The following SPAG9 variants were observed in gnomAD, a reference collection of about 807,000 sequenced individuals.
SPAG9 encodes C-Jun-amino-terminal kinase-interacting protein 4.
In SPAG9, 35 loss-of-function variants were observed where a neutral mutation model predicts 166.5. That is an observed-to-expected ratio of 0.21 (90% confidence interval 0.16 to 0.28). SPAG9 has a LOEUF of 0.28. Among genes scored for constraint, SPAG9 ranks in the 10% least tolerant of loss-of-function variants. The probability of loss-of-function intolerance (pLI) is 1.00; values close to 1 mark genes in which losing one functional copy is unlikely to be tolerated. For synonymous variants in SPAG9, 534 were observed against 565.5 expected (o/e 0.94, Z 0.79); for missense variants, 1,235 against 1,603.3 (o/e 0.77, Z 3.92).
At chr17:51,007,368 T>G in intron 9 of SPAG9, 42 bp from the exon 10 acceptor site, 1 of 1,093,242 alleles carries the variant, frequency 9.1e-7, no homozygotes, top group South Asian at 1.4e-5. Context: ...AATAAATGCA[T>G]CAATAATTAT....
chr17:51,044,477 T>G (rs1458867366), intron 4 of SPAG9, among the ~76,000 whole-genome samples: 1 of 152,230 alleles, frequency 6.6e-6, no homozygotes, highest in Non-Finnish European at 1.5e-5. Flanking sequence ...TGTTAGCTTA[T>G]GTATATAAAT....
In SPAG9 at chr17:51,089,123, A is replaced by AC. The variant is rs201393710; in HGVS notation, c.304-9420_304-9419insG. Among the ~76,000 whole-genome samples the AC allele has an allele frequency of 3.6e-3, 515 of 144,414 alleles. 2 individuals carry two copies. The highest frequency in any genetic ancestry group is 5.6e-3 in the Non-Finnish European group (367 of 65,670). The allele number at this position is 144,414 out of a possible 152,430, so 94.7% of individuals were successfully genotyped here. A position where few individuals can be genotyped will look rare whatever the true frequency, so the allele number is the denominator to read the frequency against. On this transcript the variant is annotated intron_variant, in intron 1 of 29. Coordinates refer to ENST00000262013, the MANE Select transcript of SPAG9 (RefSeq NM_001130528.3). ...AAAACAAAACAAAACACACACACAC[A>AC]AAAAAAAAACAGAAGTTGGGCCAGG...
chr17:51,018,029 T>C (rs1401521323), intron 8 of SPAG9, among the ~76,000 whole-genome samples: 1 of 152,176 alleles, frequency 6.6e-6, no homozygotes, highest in Non-Finnish European at 1.5e-5. Flanking sequence ...CAGTAGCTCC[T>C]GTCTGACATT....
chr17:50,981,390 GTGGATGGATGGA>G (rs529102170), intron 25 of SPAG9, among the ~76,000 whole-genome samples: 81 of 150,140 alleles, frequency 5.4e-4, no homozygotes, highest in Admixed American at 2.9e-3. Flanking sequence ...CAACCTGTGT[GTGGATGGATGGA>G]TGGATGGATG....
Position 51,065,341 on chromosome 17 carries a change from A to G in SPAG9, c.425-8859T>C, listed in dbSNP as rs145606739. ...AGCCACCAGGCCCAGCCTGGATTTC[A>G]ATTTTAAACAGAGTCATTTGAAACC... On this transcript the variant is annotated intron_variant, in intron 2 of 29. Transcript: ENST00000262013. Among the ~76,000 whole-genome samples, 389 of 152,254 alleles carry G rather than the reference A, an allele frequency of 2.6e-3. 1 individual carries two copies. The highest frequency in any genetic ancestry group is 8.9e-3 in the African/African-American group (371 of 41,548).
At chr17:51,068,857 C>A (rs1266977035) in intron 2 of SPAG9, among the ~76,000 whole-genome samples, 1 of 152,036 alleles carries the variant, frequency 6.6e-6, no homozygotes, top group Non-Finnish European at 1.5e-5. Flanking sequence ...CAATAGACAA[C>A]ACTAGACTCA....
At chr17:50,990,708 T>C in intron 19 of SPAG9, 40 bp from the exon 20 acceptor site, 1 of 1,517,100 alleles carries the variant, frequency 6.6e-7, no homozygotes, top group Non-Finnish European at 9.1e-7. Flanking sequence ...AGTAAACTTC[T>C]ATAAATAACA....
intron 15 of SPAG9, among the ~76,000 whole-genome samples, chr17:50,997,509 G>A (rs1348311970): frequency 6.6e-6 from 1 of 152,110 alleles, no homozygotes; most frequent in Non-Finnish European, 1.5e-5. Flanking sequence ...AACTGATTTG[G>A]TAAACTTTGG....
At position 51,032,503 on chromosome 17, in the gene SPAG9, T is replaced by C. The variant is rs147880386; in HGVS notation, c.742-781A>G. On this transcript the variant is annotated intron_variant, in intron 5 of 29. Transcript: ENST00000262013. Reference sequence around the variant, plus strand: ...TAAAAATCTATTTATTCATATTCTTTATTTCTATCTATACATTTTCCCTCT... The same window carrying C: ...TAAAAATCTATTTATTCATATTCTTCATTTCTATCTATACATTTTCCCTCT... Among the ~76,000 whole-genome samples, 197 of 152,300 alleles carry C rather than the reference T, an allele frequency of 1.3e-3. 1 individual carries two copies. The highest frequency in any genetic ancestry group is 4.5e-3 in the African/African-American group (187 of 41,556).
chr17:51,099,099 CAAAAAAAAAA>C (rs35291018), intron 1 of SPAG9, among the ~76,000 whole-genome samples: 2 of 45,976 alleles, frequency 4.4e-5, no homozygotes, highest in African/African-American at 7.5e-5. Context: ...GACTCCGTCT[CAAAAAAAAAA>C]AAAAAAAAAA....
rs770157977 is a variant in SPAG9 at position 50,999,720 on chromosome 17, A to G, written c.1608-3T>C. The G allele has an allele frequency of 1.2e-6, 2 of 1,611,720 alleles. No homozygotes were observed. Among genetic ancestry groups the G allele is most frequent in the Non-Finnish European group, 1.7e-6 (2 of 1,178,814 alleles). On this transcript the variant is annotated splice_polypyrimidine_tract_variant and splice_region_variant and intron_variant, in intron 13 of 29. Coordinates refer to ENST00000262013, the MANE Select transcript of SPAG9 (RefSeq NM_001130528.3). ...TGGCTGGATTTTCTCGTGATGCCCT[A>G]CATTCAAAAAGAAAAGAAAAGAAAC...
chr17:50,979,694 A>C, intron 26 of SPAG9, 52 bp downstream of exon 26: 1 of 1,547,594 alleles, frequency 6.5e-7, no homozygotes, highest in Non-Finnish European at 8.9e-7. Flanking sequence ...ATAGATAGAT[A>C]AAATAAAACA....
intron 1 of SPAG9, among the ~76,000 whole-genome samples, chr17:51,086,784 T>C (rs1051190716): frequency 2.0e-5 from 3 of 152,048 alleles, no homozygotes; most frequent in Non-Finnish European, 4.4e-5. Context: ...TAGCTGGGCG[T>C]GGTGGCAGGT....
intron 6 of SPAG9, among the ~76,000 whole-genome samples, chr17:51,027,674 TAACAA>T (rs2046237000): frequency 6.6e-6 from 1 of 152,148 alleles, no homozygotes; most frequent in Admixed American, 6.5e-5. Flanking sequence ...CCTAGTGTGT[TAACAA>T]AACTATTGCA....
rs556208987 is a variant in SPAG9 at position 50,993,753 on chromosome 17, C to A, written c.2398+11G>T. The A allele has an allele frequency of 6.2e-7, 1 of 1,612,656 alleles. No individual in the cohort carries two copies. The highest frequency in any genetic ancestry group is 8.5e-7 in the Non-Finnish European group (1 of 1,178,878). The stretch of plus-strand genomic sequence containing the variant: ...GAGGGGAGGGCAGAGAAACGCATGA[C>A]TCACTCTTACCTGGCACACTTGCAA... On this transcript the variant is annotated intron_variant, in intron 19 of 29. Coordinates refer to ENST00000262013, the MANE Select transcript of SPAG9 (RefSeq NM_001130528.3).
intron 2 of SPAG9, among the ~76,000 whole-genome samples, chr17:51,059,926 G>C (rs2047457237): frequency 6.6e-6 from 1 of 151,780 alleles, no homozygotes; most frequent in African/African-American, 2.4e-5. Flanking sequence ...CTTAGTCTTT[G>C]TTCCCTACAT....
In SPAG9 at chr17:51,077,021, T is replaced by TCTAGCTAG. The variant is rs1249662126; in HGVS notation, c.424+2562_424+2563insCTAGCTAG. 2.0e-3 allele frequency among the ~76,000 whole-genome samples: 151 copies of TCTAGCTAG among 76,134 alleles called. 2 individuals are homozygous for TCTAGCTAG. Among genetic ancestry groups the TCTAGCTAG allele is most frequent in the Admixed American group, 0.011 (94 of 8,434 alleles). 49.9% of individuals were successfully genotyped at this position (76,134 alleles called of 152,430 possible). A position where few individuals can be genotyped will look rare whatever the true frequency, so the allele number is the denominator to read the frequency against. ...AGCTATCTAGCTAGCTAGCTAGCTA[T>TCTAGCTAG]CTAGCTATCTATCTAGCTATCTAGC... On this transcript the variant is annotated intron_variant, in intron 2 of 29. Transcript: ENST00000262013.
rs1484321357 is a variant in SPAG9 at position 50,970,842 on chromosome 17, G to A, written c.3715C>T (p.Pro1239Ser). The A allele has an allele frequency of 1.6e-5, 26 of 1,613,698 alleles. No homozygotes were observed. Among genetic ancestry groups the A allele is most frequent in the Non-Finnish European group, 2.2e-5 (26 of 1,179,900 alleles). Reference sequence around the variant, plus strand: ...TCCGTGCCACTACTGCTACTTTGTGGGCTGATGACTTGACCTGTTTTATAC... The same window carrying A: ...TCCGTGCCACTACTGCTACTTTGTGAGCTGATGACTTGACCTGTTTTATAC... ...FVAVPGQVIS[P>S]QSSSSGTDLT... The change falls in exon 29 of 30, where the codon CCA (proline) becomes TCA (serine). Residue 1239 changes from proline to serine, a missense_variant. By Grantham distance (74) the Pro-to-Ser change is moderately conservative (BLOSUM62 -1). Transcript: ENST00000262013.
intron 25 of SPAG9, among the ~76,000 whole-genome samples, chr17:50,982,026 C>T (rs1056307487): frequency 6.7e-6 from 1 of 149,276 alleles, no homozygotes; most frequent in Non-Finnish European, 1.5e-5. Flanking sequence ...GAGCAAGACT[C>T]TGTCTCAGAA....
Sources: gnomAD v4.1 joint callset for allele counts (sites outside exome capture counted in the v4.1 genomes callset) on GRCh38, gnomAD v4.1.1 for gene constraint, MANE v1.5 for transcripts, NCBI Gene and HGNC (gene_info 2026-07-23, HGNC 2026-07-21) for gene names.